Variants in ARCN1 observed in about 807,000 individuals in gnomAD.
The protein encoded by ARCN1 is archain 1 coat protein complex I subunit delta.
ARCN1 carries 5 observed loss-of-function variants against 60.4 expected under a neutral mutation model. The observed-to-expected ratio is 0.08, with a 90% CI of 0.04 to 0.17. The LOEUF (loss-of-function observed/expected upper bound fraction) is 0.17. Among genes scored for constraint, ARCN1 ranks in the 10% least tolerant of loss-of-function variants. ARCN1 has a pLI of 1.00. For synonymous variants in ARCN1, 224 were observed against 220.0 expected (o/e 1.02, Z -0.16); for missense variants, 464 against 626.5 (o/e 0.74, Z 2.77).
chr11:118,602,811 G>A lies in ARCN1; in HGVS notation c.*2097G>A, dbSNP rs1422713741. 6.5e-6 allele frequency: 1 copy of A among 153,598 alleles called. No individual in the cohort carries two copies. Among genetic ancestry groups the A allele is most frequent in the Non-Finnish European group, 1.5e-5 (1 of 68,022 alleles). The allele number at this position is 153,598 out of a possible 1,614,324, so 9.5% of individuals were successfully genotyped here. On this transcript the variant is annotated 3_prime_UTR_variant, in exon 10 of 10. Coordinates refer to ENST00000264028, the MANE Select transcript of ARCN1 (RefSeq NM_001655.5). ...CCTTTTTTTTCTGAGATTACTTTTG[G>A]GGTAATATTTAAAATGAGAGACATT... is the stretch of plus-strand genomic sequence containing the variant.
chr11:118,588,972 C>G (rs191721667), intron 5 of ARCN1, among the ~76,000 whole-genome samples: 2 of 148,712 alleles, frequency 1.3e-5, no homozygotes, highest in Non-Finnish European at 3.0e-5. Context: ...GAGCCGAGAT[C>G]ACGCCATTGC....
Position 118,601,464 on chromosome 11 carries a change from T to C in ARCN1, c.*750T>C, listed in dbSNP as rs1466299737. On this transcript the variant is annotated 3_prime_UTR_variant, in exon 10 of 10. Coordinates refer to ENST00000264028, the MANE Select transcript of ARCN1 (RefSeq NM_001655.5). ...CTCTGTAGAAAATTTTAATCATTCA[T>C]ACCCTTTACCTTTAGGTTTTTCTTT... is the stretch of plus-strand genomic sequence containing the variant. 1 of 613,818 alleles carries C rather than the reference T, an allele frequency of 1.6e-6. No individual in the cohort carries two copies. Among genetic ancestry groups the C allele is most frequent in the East Asian group, 2.8e-5 (1 of 36,274 alleles). The allele number at this position is 613,818 out of a possible 1,614,324, so 38.0% of individuals were successfully genotyped here.
chr11:118,579,756 A>G (rs111458790), intron 1 of ARCN1, among the ~76,000 whole-genome samples: 174 of 152,162 alleles, frequency 1.1e-3, no homozygotes, highest in African/African-American at 4.0e-3. Flanking sequence ...ACTTATATGT[A>G]TATGTTTTAA....
intron 1 of ARCN1, among the ~76,000 whole-genome samples, chr11:118,576,919 T>C (rs1483984720): frequency 1.3e-5 from 2 of 152,256 alleles, no homozygotes; most frequent in Non-Finnish European, 1.5e-5. Context: ...GTGTGGCGGC[T>C]CATGCCTGTA....
At position 118,572,459 on chromosome 11, in the gene ARCN1, T is replaced by G. The variant is rs1036347437; in HGVS notation, c.-89T>G. ...CGGTTCCTGTCAAGGGGGCAGCAGG[T>G]CCAGAGCTGCTGGTGCTCCCGTTCC... On this transcript the variant is annotated 5_prime_UTR_variant, in exon 1 of 10. Coordinates refer to ENST00000264028, the MANE Select transcript of ARCN1 (RefSeq NM_001655.5). The G allele has an allele frequency of 2.0e-5, 29 of 1,443,648 alleles. No individual in the cohort carries two copies. The highest frequency in any genetic ancestry group is 2.8e-5 in the Non-Finnish European group (29 of 1,053,386). 89.4% of individuals were successfully genotyped at this position (1,443,648 alleles called of 1,614,324 possible).
At chr11:118,591,898 C>CTATTTATTTATT (rs1184197221) in intron 6 of ARCN1, among the ~76,000 whole-genome samples, 1 of 151,412 alleles carries the variant, frequency 6.6e-6, no homozygotes, top group African/African-American at 2.4e-5. Flanking sequence ...CCACACCCAG[C>CTATTTATTTATT]TATTTATTTA....
intron 6 of ARCN1, among the ~76,000 whole-genome samples, chr11:118,591,821 A>G (rs183679318): frequency 6.7e-6 from 1 of 150,104 alleles, no homozygotes; most frequent in Non-Finnish European, 1.5e-5. Flanking sequence ...TGCAGCCTTA[A>G]CCTCCTAGGC....
rs1259303257 is a variant in ARCN1 at position 118,586,357 on chromosome 11, A to G, written c.818+1713A>G. Among the ~76,000 whole-genome samples, 3 of 152,096 alleles carry G rather than the reference A, an allele frequency of 2.0e-5. No individual in the cohort carries two copies. In the East Asian group the frequency reaches 5.8e-4, roughly 29 times the overall value. ...GTGATCTGCCTGCCTCTGCCTCCCA[A>G]AAGTGCTTGGATTATAGGCGTGAGC... On this transcript the variant is annotated intron_variant, in intron 5 of 9. Coordinates refer to ENST00000264028, the MANE Select transcript of ARCN1 (RefSeq NM_001655.5).
In ARCN1 at chr11:118,584,511, G is replaced by C; in HGVS notation, c.685G>C (p.Gly229Arg). The C allele has an allele frequency of 6.2e-7, 1 of 1,612,872 alleles. No homozygotes were observed. The highest frequency in any genetic ancestry group is 8.5e-7 in the Non-Finnish European group (1 of 1,179,680). ...AGGCCCCAGCAAGGCTTTAAAACTT[G>C]GAGCCAAAGGAAAGGAAGTAGATAA... ...PSGPSKALKL[G>R]AKGKEVDNFV... Residue 229 changes from glycine to arginine, a missense_variant, in exon 5 of 10, where the codon GGA (glycine) becomes CGA (arginine). Physicochemically the swap from Gly to Arg is moderately radical, Grantham distance 125. This residue lies in a region of ARCN1 where 359 missense variants were observed against 440.2 expected (regional missense o/e 0.82). Coordinates refer to ENST00000264028, the MANE Select transcript of ARCN1 (RefSeq NM_001655.5).
intron 1 of ARCN1, chr11:118,573,526 A>C (rs1938406929): frequency 1.9e-6 from 1 of 537,666 alleles, no homozygotes; most frequent in African/African-American, 2.0e-5. Context: ...CTTTGGTTTC[A>C]AAAAAGCTAG....
intron 8 of ARCN1, among the ~76,000 whole-genome samples, chr11:118,595,135 GC>G (rs1200374550): frequency 6.6e-6 from 1 of 152,248 alleles, no homozygotes; most frequent in East Asian, 1.9e-4. Context: ...ACAGGCGTGA[GC>G]CACTGCACCT....
intron 6 of ARCN1, among the ~76,000 whole-genome samples, chr11:118,591,970 G>A (rs1938922829): frequency 6.6e-6 from 1 of 151,610 alleles, no homozygotes; most frequent in Non-Finnish European, 1.5e-5. Flanking sequence ...GCCCAGGTTG[G>A]AGTGCAATGG....
chr11:118,598,488 A>AT (rs1174732773), intron 9 of ARCN1, among the ~76,000 whole-genome samples: 4,128 of 110,972 alleles, frequency 0.037, 188 homozygotes, highest in African/African-American at 0.098. Context: ...GTTCCTTCGG[A>AT]TTTTTTTTTT....
chr11:118,580,288 C>G (rs1360581039), intron 1 of ARCN1, among the ~76,000 whole-genome samples: 3 of 152,118 alleles, frequency 2.0e-5, no homozygotes, highest in African/African-American at 7.2e-5. Flanking sequence ...TGCACCATTA[C>G]AGTCCAGCTT....
chr11:118,591,902 T>C (rs997523384), intron 6 of ARCN1, among the ~76,000 whole-genome samples: 20 of 151,066 alleles, frequency 1.3e-4, no homozygotes, highest in African/African-American at 4.9e-4. Context: ...ACCCAGCTAT[T>C]TATTTATTTA....
chr11:118,575,178 C>T (rs1938461797), intron 1 of ARCN1, among the ~76,000 whole-genome samples: 2 of 152,104 alleles, frequency 1.3e-5, no homozygotes, highest in South Asian at 2.1e-4. Flanking sequence ...CGGGGTTTCA[C>T]CATGTTAGCC....
At chr11:118,592,656 G>T in intron 6 of ARCN1, 53 bp from the exon 7 acceptor site, 4 of 1,496,422 alleles carry the variant, frequency 2.7e-6, no homozygotes, top group Non-Finnish European at 3.7e-6. Context: ...CTAGTGAGGG[G>T]TTGTTTCTCG....
At chr11:118,590,316 C>T (rs1555076077) in intron 5 of ARCN1, 25 bp from the exon 6 acceptor site, 1 of 1,598,862 alleles carries the variant, frequency 6.3e-7, no homozygotes, top group Non-Finnish European at 8.6e-7. Flanking sequence ...CCTTTCTGAA[C>T]AAATGTATTA....
At chr11:118,598,772 A>G (rs1391476336) in intron 9 of ARCN1, among the ~76,000 whole-genome samples, 4 of 147,990 alleles carry the variant, frequency 2.7e-5, no homozygotes, top group African/African-American at 1.0e-4. Context: ...TGGGATTACA[A>G]GTGTGAGCCA....
Sources: allele counts gnomAD v4.1 joint callset (sites outside exome capture counted in the v4.1 genomes callset), GRCh38; gene constraint gnomAD v4.1.1; regional missense constraint gnomAD v4.1.1; transcripts MANE v1.5; gene names NCBI Gene and HGNC (gene_info 2026-07-23, HGNC 2026-07-21).